The following ZNF761 variants were observed in gnomAD, a reference collection of about 807,000 sequenced individuals.
ZNF761 encodes zinc finger protein 761.
In ZNF761, 43 loss-of-function variants were observed where a neutral mutation model predicts 59.9. The ratio of observed to expected loss-of-function variants is 0.72; its 90% CI spans 0.56 to 0.92. The LOEUF is 0.92. ZNF761 is among the 40% of genes least tolerant of loss of function. The probability of loss-of-function intolerance (pLI) is 0.00; values close to 1 mark genes in which losing one functional copy is unlikely to be tolerated. For missense variants in ZNF761, 850 were observed against 906.1 expected (o/e 0.94, Z 0.79); for synonymous variants, 294 against 304.8 (o/e 0.96, Z 0.37).
intron 1 of ZNF761, among the ~76,000 whole-genome samples, chr19:53,435,993 C>T (rs1270476621): frequency 6.6e-6 from 1 of 152,176 alleles, no homozygotes; most frequent in Non-Finnish European, 1.5e-5. Flanking sequence ...TCGTCCCCTC[C>T]AGCTTCAGCT....
intron 3 of ZNF761, among the ~76,000 whole-genome samples, chr19:53,448,298 C>T (rs1336173961): frequency 8.5e-5 from 13 of 152,222 alleles, no homozygotes; most frequent in Admixed American, 4.6e-4. Flanking sequence ...GCACCATGCC[C>T]AGCCCCACCA....
chr19:53,441,457 T>G (rs771610081), intron 1 of ZNF761, among the ~76,000 whole-genome samples: 36,928 of 85,188 alleles, frequency 0.43, 5,293 homozygotes, highest in Non-Finnish European at 0.52. Context: ...TTTTTTGTTT[T>G]TTTTTTTTTG....
At chr19:53,441,084 G>C (rs899480340) in intron 1 of ZNF761, among the ~76,000 whole-genome samples, 30 of 152,140 alleles carry the variant, frequency 2.0e-4, no homozygotes, top group African/African-American at 1.4e-4. Flanking sequence ...GAGTTCAAGA[G>C]CAGCCTGGCC....
In ZNF761 at chr19:53,453,293, G is replaced by A. The variant is rs565176191; in HGVS notation, c.143-1357G>A. 8.5e-5 allele frequency among the ~76,000 whole-genome samples: 13 copies of A among 152,230 alleles called. No homozygotes were observed. The South Asian group carries it at 2.7e-3, about 32-fold the overall frequency. ...CTGGTATTACAGACCGTGCCCGGCT[G>A]TTAGTCAATTCTTATTCCTTATAAT... On this transcript the variant is annotated intron_variant, in intron 4 of 4. Coordinates refer to ENST00000684525, the MANE Select transcript of ZNF761 (RefSeq NM_001289951.2).
intron 1 of ZNF761, among the ~76,000 whole-genome samples, chr19:53,441,054 A>G (rs560633247): frequency 6.6e-6 from 1 of 152,312 alleles, no homozygotes; most frequent in South Asian, 2.1e-4. Flanking sequence ...GACAGAGGCG[A>G]GTGGGTCACC....
intron 1 of ZNF761, chr19:53,444,912 C>G (rs1317384453): frequency 2.0e-5 from 3 of 152,244 alleles, no homozygotes; most frequent in African/African-American, 7.2e-5. Flanking sequence ...ACTAGCAAGC[C>G]CTGCCTCAGC....
chr19:53,455,382 A>C lies in ZNF761; in HGVS notation c.875A>C (p.His292Pro). 1 of 1,614,182 alleles carries C rather than the reference A, an allele frequency of 6.2e-7. No individual in the cohort carries two copies. Among genetic ancestry groups the C allele is most frequent in the Non-Finnish European group, 8.5e-7 (1 of 1,180,026 alleles). ...TCCCTTACATGCCATCGTAGACTTC[A>C]TACTGGAGAGAAACCTTACAAATGT... ...TSSLTCHRRL[H>P]TGEKPYKCEE... Residue 292 changes from histidine to proline, a missense_variant, in exon 5 of 5, where the codon CAT (histidine) becomes CCT (proline). Coordinates refer to ENST00000684525, the MANE Select transcript of ZNF761 (RefSeq NM_001289951.2).
At chr19:53,433,461 C>CAGCTTGCGTTATCTTGTAACTGTTCTCT (rs1482125258) in intron 1 of ZNF761, among the ~76,000 whole-genome samples, 1 of 143,490 alleles carries the variant, frequency 7.0e-6, no homozygotes, top group Admixed American at 6.9e-5. Flanking sequence ...TCGACTTCGC[C>CAGCTTGCGTTATCTTGTAACTGTTCTCT]AAGTCGAGCT....
intron 1 of ZNF761, among the ~76,000 whole-genome samples, chr19:53,432,937 T>A (rs1032709398): frequency 1.3e-5 from 2 of 150,674 alleles, no homozygotes; most frequent in Non-Finnish European, 3.0e-5. Flanking sequence ...GAGGAGGGAT[T>A]TGGAGCCAGG....
chr19:53,436,297 C>T (rs1234924900), intron 1 of ZNF761, among the ~76,000 whole-genome samples: 4 of 152,182 alleles, frequency 2.6e-5, no homozygotes, highest in African/African-American at 9.7e-5. Context: ...AAGGGGTGTA[C>T]TTGATCTGTC....
chr19:53,447,235 C>G lies in ZNF761; in HGVS notation c.-34C>G. The G allele has an allele frequency of 3.7e-6, 6 of 1,609,916 alleles. No homozygotes were observed. The highest frequency in any genetic ancestry group is 4.2e-6 in the Non-Finnish European group (5 of 1,178,244). ...GACTCTTGGTACGTGAGGAAGAAAC[C>G]CGGAAGAGGAAGAGGAGAGCAAAGG... On this transcript the variant is annotated 5_prime_UTR_variant, in exon 3 of 5. Transcript: ENST00000684525.
At chr19:53,441,801 A>G in intron 1 of ZNF761, 3 of 1,092,312 alleles carry the variant, frequency 2.7e-6, no homozygotes, top group Admixed American at 1.8e-5. Flanking sequence ...CACAGAGAGG[A>G]GTCTGCAATG....
rs1457106330 is a variant in ZNF761, at chr19:53,457,673, A to G, written c.*925A>G. On this transcript the variant is annotated 3_prime_UTR_variant, in exon 5 of 5. Transcript: ENST00000684525. Reference sequence around the variant, plus strand: ...TGACTTAACATTGAGTTCAAGCATTAATTGACATTAGTGTTTATGTTAAGA... The same window carrying G: ...TGACTTAACATTGAGTTCAAGCATTGATTGACATTAGTGTTTATGTTAAGA... 4.2e-6 allele frequency: 1 copy of G among 236,064 alleles called. No homozygotes were observed. The highest frequency in any genetic ancestry group is 2.4e-5 in the African/African-American group (1 of 42,298). 14.6% of individuals were successfully genotyped at this position (236,064 alleles called of 1,614,324 possible). A position where few individuals can be genotyped will look rare whatever the true frequency, so the allele number is the denominator to read the frequency against.
At chr19:53,450,691 T>C (rs1418191015) in intron 4 of ZNF761, among the ~76,000 whole-genome samples, 1 of 152,062 alleles carries the variant, frequency 6.6e-6, no homozygotes, top group African/African-American at 2.4e-5. Context: ...CGCAGCCAGC[T>C]CCGCCTCTCG....
rs778603918 is a variant in ZNF761 at position 53,454,971 on chromosome 19, A to C, written c.464A>C (p.Gln155Pro). The change falls in exon 5 of 5, where the codon CAG becomes CCG. Residue 155 changes from glutamine (Q) to proline (P), a missense_variant. Gln to Pro is a moderately conservative substitution (Grantham distance 76). Transcript: ENST00000684525. ...CATCTGCCTGAAATGCACATATTTC[A>C]GACCGAAGAGAAAATTGATAATCAA... is the stretch of plus-strand genomic sequence containing the variant. ...HSHLPEMHIFQTEEKIDNQVV... is the reference protein window; with the variant it reads ...HSHLPEMHIFPTEEKIDNQVV... 117 of 1,614,082 alleles carry C rather than the reference A, an allele frequency of 7.2e-5. No individual in the cohort carries two copies. The highest frequency in any genetic ancestry group is 9.4e-5 in the Non-Finnish European group (111 of 1,180,038).
chr19:53,454,606 C>T, intron 4 of ZNF761, 44 bp from the exon 5 acceptor site: 10 of 1,511,530 alleles, frequency 6.6e-6, no homozygotes, highest in South Asian at 4.1e-5. Flanking sequence ...CATTATTTAC[C>T]ATCTGTACTT....
At chr19:53,446,495 C>A (rs1568807999) in intron 2 of ZNF761, among the ~76,000 whole-genome samples, 158 bp downstream of exon 2, 1 of 152,172 alleles carries the variant, frequency 6.6e-6, no homozygotes, top group Non-Finnish European at 1.5e-5. Flanking sequence ...CCTGCCTCCA[C>A]TTCCTGAGTA....
chr19:53,434,285 T>C (rs777107318), intron 1 of ZNF761, among the ~76,000 whole-genome samples: 5 of 152,198 alleles, frequency 3.3e-5, no homozygotes, highest in Non-Finnish European at 7.3e-5. Flanking sequence ...TCTATATATC[T>C]TTTGTTTTTT....
intron 4 of ZNF761, among the ~76,000 whole-genome samples, chr19:53,454,163 T>C (rs2086243670): frequency 6.6e-6 from 1 of 152,180 alleles, no homozygotes; most frequent in Admixed American, 6.6e-5. Context: ...TCTTGTCTTC[T>C]CAGTGCTATG....
Sources: gnomAD v4.1 joint callset for allele counts (sites outside exome capture counted in the v4.1 genomes callset) on GRCh38, gnomAD v4.1.1 for gene constraint, MANE v1.5 for transcripts, NCBI Gene and HGNC (gene_info 2026-07-23, HGNC 2026-07-21) for gene names.